The following MGMT variants were observed in gnomAD, a reference collection of about 807,000 sequenced individuals.
The protein encoded by MGMT is methylated-DNA--protein-cysteine methyltransferase.
Under a neutral mutation model 15.9 loss-of-function variants are expected in MGMT, and 14 were observed. The ratio of observed to expected loss-of-function variants is 0.88; its 90% CI spans 0.58 to 1.37. The LOEUF (loss-of-function observed/expected upper bound fraction) is 1.37, where lower values mean the gene tolerates loss of function less well. Among genes scored for constraint, MGMT ranks in the 40% most tolerant of loss-of-function variants. The pLI is 0.00. For missense variants in MGMT, 282 were observed against 268.1 expected, an observed-to-expected ratio of 1.05 and a Z score of -0.36; for synonymous variants, 130 against 118.2, an observed-to-expected ratio of 1.10 and a Z score of -0.65.
At chr10:129,687,726 C>T (rs751708022) in intron 2 of MGMT, among the ~76,000 whole-genome samples, 114 of 143,678 alleles carry the variant, frequency 7.9e-4, no homozygotes, top group African/African-American at 2.3e-3. Flanking sequence ...ACTTTAAGTT[C>T]TAGGGTACAT....
At chr10:129,521,466 ATGTAAGAAAGG>A (rs1845809727) in intron 1 of MGMT, among the ~76,000 whole-genome samples, 1 of 152,166 alleles carries the variant, frequency 6.6e-6, no homozygotes, top group Non-Finnish European at 1.5e-5. Flanking sequence ...CAGTGACCTC[ATGTAAGAAAGG>A]AAGTCACCCA....
chr10:129,542,417 A>G (rs1846052140), intron 2 of MGMT, among the ~76,000 whole-genome samples: 1 of 152,170 alleles, frequency 6.6e-6, no homozygotes, highest in Admixed American at 6.5e-5. Context: ...AGATTGGGAA[A>G]TTAATACAGA....
intron 1 of MGMT, among the ~76,000 whole-genome samples, chr10:129,483,849 G>T (rs777227976): frequency 1.3e-5 from 2 of 151,534 alleles, no homozygotes; most frequent in Non-Finnish European, 2.9e-5. Context: ...TTTGGATTTT[G>T]GAATATTTGC....
chr10:129,611,240 T>G (rs1404015610), intron 2 of MGMT, among the ~76,000 whole-genome samples: 2 of 152,052 alleles, frequency 1.3e-5, no homozygotes, highest in Non-Finnish European at 2.9e-5. Context: ...TAACTCAGAG[T>G]TATCTGGGCT....
At chr10:129,550,400 C>T (rs912816665) in intron 2 of MGMT, among the ~76,000 whole-genome samples, 9 of 151,922 alleles carry the variant, frequency 5.9e-5, no homozygotes, top group African/African-American at 1.4e-4. Flanking sequence ...CACAGTGTTC[C>T]GCAGCCATCA....
intron 1 of MGMT, among the ~76,000 whole-genome samples, chr10:129,518,929 C>G (rs1422138141): frequency 1.3e-5 from 2 of 151,634 alleles, no homozygotes; most frequent in Non-Finnish European, 2.9e-5. Flanking sequence ...TATAGTAGCT[C>G]TGTGCATGGG....
At chr10:129,678,507 A>G (rs915404307) in intron 2 of MGMT, among the ~76,000 whole-genome samples, 1 of 152,090 alleles carries the variant, frequency 6.6e-6, no homozygotes, top group Admixed American at 6.5e-5. Flanking sequence ...GAAAGCATGC[A>G]TCACCTCCAG....
intron 1 of MGMT, among the ~76,000 whole-genome samples, chr10:129,489,031 A>G (rs915969940): frequency 1.3e-5 from 2 of 152,078 alleles, no homozygotes; most frequent in African/African-American, 4.8e-5. Flanking sequence ...TAACGCCACA[A>G]TGCATTAATT....
intron 2 of MGMT, among the ~76,000 whole-genome samples, chr10:129,672,158 A>G (rs1847731865): frequency 6.6e-6 from 1 of 152,142 alleles, no homozygotes; most frequent in Non-Finnish European, 1.5e-5. Context: ...TCTTAATTGT[A>G]TCTGTATTTT....
In MGMT at chr10:129,740,063, T is replaced by C. The variant is rs536342342; in HGVS notation, c.275-19139T>C. 2.6e-5 allele frequency among the ~76,000 whole-genome samples: 4 copies of C among 152,356 alleles called. No homozygotes were observed. In the South Asian group the frequency reaches 8.3e-4, roughly 32 times the overall value. On this transcript the variant is annotated intron_variant, in intron 3 of 4. Coordinates refer to ENST00000651593, the MANE Select transcript of MGMT (RefSeq NM_002412.5). ...CAGTCATTAAAGGGAAATCTAAAGA[T>C]GTTTAAAACGTTGTGTATTTTCTCG...
At chr10:129,746,638 A>G (rs958309486) in intron 3 of MGMT, among the ~76,000 whole-genome samples, 17 of 152,232 alleles carry the variant, frequency 1.1e-4, no homozygotes, top group African/African-American at 2.9e-4. Context: ...CAGTAGGTCT[A>G]TTTTGGAAAT....
chr10:129,703,782 A>G (rs936516296), intron 2 of MGMT, among the ~76,000 whole-genome samples: 2 of 152,126 alleles, frequency 1.3e-5, no homozygotes, highest in African/African-American at 4.8e-5. Flanking sequence ...ACCCTCACCC[A>G]GCGCCTCAGC....
intron 1 of MGMT, among the ~76,000 whole-genome samples, chr10:129,472,294 G>A (rs1845240595): frequency 6.6e-6 from 1 of 152,002 alleles, no homozygotes; most frequent in South Asian, 2.1e-4. Context: ...TCATCCATTG[G>A]GTGGGGACGA....
rs553673354 is a variant in MGMT, at chr10:129,745,092, A to G, written c.275-14110A>G. On this transcript the variant is annotated intron_variant, in intron 3 of 4. Coordinates refer to ENST00000651593, the MANE Select transcript of MGMT (RefSeq NM_002412.5). ...CATGGCAGGTGGTGGGGCCTCGTAG[A>G]GGGAAAGATTTTGCAGAAAATGTGA... Among the ~76,000 whole-genome samples, 135 of 152,240 alleles carry G rather than the reference A, an allele frequency of 8.9e-4. 1 individual carries two copies. The highest frequency in any genetic ancestry group is 6.8e-3 in the Middle Eastern group (2 of 294).
chr10:129,656,937 G>T (rs1847530867), intron 2 of MGMT, among the ~76,000 whole-genome samples: 1 of 151,966 alleles, frequency 6.6e-6, no homozygotes, highest in Non-Finnish European at 1.5e-5. Context: ...CCAACTCTCG[G>T]GCTTCTTAAC....
intron 2 of MGMT, among the ~76,000 whole-genome samples, chr10:129,654,217 G>A (rs538668341): frequency 2.6e-5 from 4 of 152,140 alleles, no homozygotes; most frequent in Admixed American, 6.5e-5. Flanking sequence ...CCGAGAAGAC[G>A]GCAAGACCTC....
intron 2 of MGMT, among the ~76,000 whole-genome samples, chr10:129,538,110 G>C (rs1005925814): frequency 6.6e-6 from 1 of 152,182 alleles, no homozygotes; most frequent in Non-Finnish European, 1.5e-5. Flanking sequence ...GTATATAAAA[G>C]TATATGAATA....
chr10:129,654,940 C>T (rs1479967862), intron 2 of MGMT, among the ~76,000 whole-genome samples: 1 of 152,184 alleles, frequency 6.6e-6, no homozygotes, highest in African/African-American at 2.4e-5. Flanking sequence ...CACTGAAAAT[C>T]AGTGGAAATC....
intron 2 of MGMT, among the ~76,000 whole-genome samples, chr10:129,638,460 A>AAAAAAAAAAAAAAAAAAG (rs1464733205): frequency 6.7e-6 from 1 of 149,740 alleles, no homozygotes; most frequent in Admixed American, 6.6e-5. Flanking sequence ...AAAAAAAGAA[A>AAAAAAAAAAAAAAAAAAG]AATAACTGAC....
Sources: allele counts gnomAD v4.1 joint callset (sites outside exome capture counted in the v4.1 genomes callset), GRCh38; gene constraint gnomAD v4.1.1; transcripts MANE v1.5; gene names NCBI Gene and HGNC (gene_info 2026-07-23, HGNC 2026-07-21).